Variants in TRMT2B observed in about 807,000 individuals in gnomAD.
TRMT2B encodes tRNA (uracil-5-)-methyltransferase homolog B.
In TRMT2B, 34 loss-of-function variants were observed where a neutral mutation model predicts 39.7. That is an observed-to-expected ratio of 0.86 (90% CI 0.65 to 1.14). The LOEUF is 1.14. Ranked by LOEUF, TRMT2B falls within the 50% of genes most tolerant of loss-of-function variation. The pLI, the probability that TRMT2B is intolerant of heterozygous loss-of-function variation, is 0.00. For synonymous variants in TRMT2B, 132 were observed against 137.3 expected (o/e 0.96, Z 0.27); for missense variants, 318 against 377.2 (o/e 0.84, Z 1.30).
chrX:101,031,235 A>C (rs1256676045), intron 7 of TRMT2B, among the ~76,000 whole-genome samples: 1 of 110,963 alleles, frequency 9.0e-6, no homozygotes, highest in African/African-American at 3.3e-5. Context: ...TCACACTCCC[A>C]AACTGCTAGG....
chrX:101,020,922 G>C (rs1461405965), intron 10 of TRMT2B, among the ~76,000 whole-genome samples, 179 bp downstream of exon 10: 1 of 111,850 alleles, frequency 8.9e-6, no homozygotes, highest in Admixed American at 9.6e-5. Flanking sequence ...CTCCTGCCTT[G>C]CTTCACAAAG....
chrX:100,981,733 C>A, the TRMT2B span, among the ~76,000 whole-genome samples: 1 of 108,114 alleles, frequency 9.2e-6, no homozygotes, highest in Non-Finnish European at 1.9e-5. Flanking sequence ...CACTTGAGTC[C>A]AGGAGGTCAA....
intron 4 of TRMT2B, among the ~76,000 whole-genome samples, chrX:101,039,814 C>A (rs1394529922): frequency 2.7e-5 from 3 of 109,920 alleles, no homozygotes; most frequent in African/African-American, 9.9e-5. Flanking sequence ...GTGAGAGGAT[C>A]CCTTGAGCCC....
rs754869085 is a variant in TRMT2B, at chrX:101,040,671, T to G, written c.303+646A>C. Among the ~76,000 whole-genome samples, 112 of 111,798 alleles carry G rather than the reference T, an allele frequency of 1.0e-3. No homozygotes were observed. In the South Asian group the frequency reaches 0.041, roughly 41 times the overall value. ...AATTAAGCAGTAGAATTGACTGTATTCAAATTTAAATTGCCACATATGGCT... is the reference window on the plus strand; with the variant it reads ...AATTAAGCAGTAGAATTGACTGTATGCAAATTTAAATTGCCACATATGGCT... On this transcript the variant is annotated intron_variant, in intron 4 of 13. Coordinates refer to ENST00000372936, the MANE Select transcript of TRMT2B (RefSeq NM_024917.6).
At chrX:101,029,419 A>G (rs1184761365) in intron 7 of TRMT2B, among the ~76,000 whole-genome samples, 1 of 111,210 alleles carries the variant, frequency 9.0e-6, no homozygotes, top group Non-Finnish European at 1.9e-5. Flanking sequence ...AATAAGTAAT[A>G]ATTAAAATTA....
chrX:100,994,672 G>A, the TRMT2B span, among the ~76,000 whole-genome samples: 1 of 112,049 alleles, frequency 8.9e-6, no homozygotes, highest in Admixed American at 9.5e-5. Flanking sequence ...AGAAAGAACA[G>A]TGATAATTCA....
intron 4 of TRMT2B, among the ~76,000 whole-genome samples, chrX:101,039,061 G>T (rs1204305480): frequency 2.2e-4 from 24 of 107,114 alleles, no homozygotes; most frequent in Non-Finnish European, 1.9e-5. Flanking sequence ...TAAACTTTTT[G>T]TTTTTTTATT....
At chrX:101,022,142 C>T (rs1267103967) in intron 8 of TRMT2B, 80 bp from the exon 9 acceptor site, 38 of 647,333 alleles carry the variant, frequency 5.9e-5, no homozygotes, top group Non-Finnish European at 9.1e-5. Flanking sequence ...AGTAATCAGC[C>T]CTGCAGTAGT....
At chrX:101,049,349 G>C (rs914149694) in intron 2 of TRMT2B, among the ~76,000 whole-genome samples, 2 of 109,197 alleles carry the variant, frequency 1.8e-5, no homozygotes, top group South Asian at 8.0e-4. Context: ...TTAAAAATTA[G>C]CCAGGTGTGG....
chrX:100,986,758 T>C, the TRMT2B span: 16 of 1,015,794 alleles, frequency 1.6e-5, no homozygotes, highest in African/African-American at 2.8e-4. Context: ...GGTTTCACTC[T>C]TCCACTCTTT....
intron 4 of TRMT2B, among the ~76,000 whole-genome samples, chrX:101,040,540 T>A (rs1453193343): frequency 2.7e-5 from 3 of 111,490 alleles, no homozygotes; most frequent in Non-Finnish European, 5.6e-5. Flanking sequence ...TGGACAAAAT[T>A]ACTTCTAAGT....
chrX:101,041,027 T>C (rs2088200114), intron 4 of TRMT2B, among the ~76,000 whole-genome samples: 1 of 110,641 alleles, frequency 9.0e-6, no homozygotes, highest in African/African-American at 3.3e-5. Flanking sequence ...CTGGCCAACA[T>C]GGCCTATCTC....
chrX:100,978,779 C>A, the TRMT2B span, among the ~76,000 whole-genome samples: 1 of 110,681 alleles, frequency 9.0e-6, no homozygotes, highest in African/African-American at 3.3e-5. Flanking sequence ...TCCTTCCTGT[C>A]TTCCTTTTTG....
intron 13 of TRMT2B, among the ~76,000 whole-genome samples, chrX:101,013,114 C>A (rs1050743634): frequency 8.9e-6 from 1 of 111,758 alleles, no homozygotes; most frequent in Non-Finnish European, 1.9e-5. Context: ...AGCCACCGCG[C>A]CCGGTCAGCT....
At chrX:101,029,019 A>C (rs921503102) in intron 7 of TRMT2B, among the ~76,000 whole-genome samples, 3 of 111,746 alleles carry the variant, frequency 2.7e-5, no homozygotes, top group Non-Finnish European at 5.6e-5. Flanking sequence ...ACCCAGTCTC[A>C]GGAAGTTCTT....
chrX:101,030,811 A>G (rs2087414866), intron 7 of TRMT2B, among the ~76,000 whole-genome samples: 1 of 110,717 alleles, frequency 9.0e-6, no homozygotes, highest in Non-Finnish European at 1.9e-5. Flanking sequence ...GAAGGCCAGC[A>G]GCCAGGCAGG....
intron 2 of TRMT2B, among the ~76,000 whole-genome samples, chrX:101,047,375 G>C (rs2088749732): frequency 9.0e-6 from 1 of 111,665 alleles, no homozygotes; most frequent in African/African-American, 3.3e-5. Flanking sequence ...ACTGAAAGAG[G>C]GGAGTGGGAG....
At chrX:100,987,690 AT>A in the TRMT2B span, 1 of 701,639 alleles carries the variant, frequency 1.4e-6, no homozygotes, top group Non-Finnish European at 2.1e-6. Flanking sequence ...ATTGGCTCAA[AT>A]GGGGCTAGGG....
At chrX:101,043,963 G>C (rs2088420411) in intron 2 of TRMT2B, among the ~76,000 whole-genome samples, 1 of 112,342 alleles carries the variant, frequency 8.9e-6, no homozygotes, top group Non-Finnish European at 1.9e-5. Context: ...AGCAAGTTCG[G>C]CTGGGTGCAG....
Sources: gnomAD v4.1 joint callset for allele counts (sites outside exome capture counted in the v4.1 genomes callset) on GRCh38, gnomAD v4.1.1 for gene constraint, MANE v1.5 for transcripts, NCBI Gene and HGNC (gene_info 2026-07-23, HGNC 2026-07-21) for gene names.